The following SPMAP2L variants were observed in gnomAD, a reference collection of about 807,000 sequenced individuals.
SPMAP2L encodes sperm microtubule associated protein 2 like.
the SPMAP2L span, among the ~76,000 whole-genome samples, chr4:56,589,738 G>A: frequency 1.4e-5 from 2 of 146,772 alleles, no homozygotes; most frequent in Non-Finnish European, 3.0e-5. Context: ...GTTTTTGTGT[G>A]TGGGGGGGTT....
chr4:56,537,792 A>T, the SPMAP2L span, among the ~76,000 whole-genome samples: 1,759 of 151,760 alleles, frequency 0.012, 35 homozygotes, highest in African/African-American at 0.041. Flanking sequence ...TCCCGGGTTC[A>T]CGCCATTCTC....
the SPMAP2L span, among the ~76,000 whole-genome samples, chr4:56,556,423 A>C: frequency 3.9e-5 from 6 of 152,216 alleles, no homozygotes; most frequent in Admixed American, 3.9e-4. Context: ...AAGAAAATAC[A>C]AGAGGGGGAT....
At chr4:56,533,871 A>G in the SPMAP2L span, among the ~76,000 whole-genome samples, 1 of 152,028 alleles carries the variant, frequency 6.6e-6, no homozygotes, top group Non-Finnish European at 1.5e-5. Flanking sequence ...GCATCACCTC[A>G]GACTCAGCAG....
the SPMAP2L span, among the ~76,000 whole-genome samples, chr4:56,582,419 A>T: frequency 6.6e-6 from 1 of 152,166 alleles, no homozygotes; most frequent in African/African-American, 2.4e-5. Context: ...CCCCAAAAAG[A>T]TATACAAATA....
chr4:56,575,427 G>A, the SPMAP2L span: 2 of 1,476,714 alleles, frequency 1.4e-6, no homozygotes, highest in East Asian at 5.0e-5. Context: ...TAGGCCTGGG[G>A]ATCGATGTTG....
the SPMAP2L span, among the ~76,000 whole-genome samples, chr4:56,550,937 A>G: frequency 7.0e-6 from 1 of 143,454 alleles, no homozygotes; most frequent in South Asian, 2.3e-4. Flanking sequence ...TGGGGAACAT[A>G]GTGAGACTCT....
At chr4:56,549,057 C>T in the SPMAP2L span, among the ~76,000 whole-genome samples, 4 of 149,464 alleles carry the variant, frequency 2.7e-5, no homozygotes, top group African/African-American at 4.9e-5. Flanking sequence ...GGCGTGATCT[C>T]GGCTCACTGC....
chr4:56,569,415 T>A, the SPMAP2L span, among the ~76,000 whole-genome samples: 3 of 152,358 alleles, frequency 2.0e-5, no homozygotes, highest in African/African-American at 7.2e-5. Flanking sequence ...TTGAACATTT[T>A]TTCATTTGTT....
At chr4:56,580,446 A>C in the SPMAP2L span, among the ~76,000 whole-genome samples, 1 of 152,200 alleles carries the variant, frequency 6.6e-6, no homozygotes, top group African/African-American at 2.4e-5. Context: ...AAAAATGCTA[A>C]ACAAGCTAGG....
the SPMAP2L span, among the ~76,000 whole-genome samples, chr4:56,531,897 G>A: frequency 1.3e-5 from 2 of 152,042 alleles, no homozygotes; most frequent in South Asian, 2.1e-4. Context: ...ATCCAGCCTC[G>A]ATTCCATGGT....
chr4:56,555,664 A>C, the SPMAP2L span, among the ~76,000 whole-genome samples: 1 of 151,816 alleles, frequency 6.6e-6, no homozygotes, highest in Non-Finnish European at 1.5e-5. Flanking sequence ...CCTCATATAG[A>C]TCTTTTATGT....
chr4:56,542,263 A>G, the SPMAP2L span, among the ~76,000 whole-genome samples: 1 of 152,190 alleles, frequency 6.6e-6, no homozygotes, highest in African/African-American at 2.4e-5. Context: ...CTGACTTTAA[A>G]AAGACCACAA....
chr4:56,562,399 A>G, the SPMAP2L span, among the ~76,000 whole-genome samples: 2 of 149,646 alleles, frequency 1.3e-5, no homozygotes, highest in Non-Finnish European at 3.0e-5. Flanking sequence ...GTGTGTTTAT[A>G]TGTGGTTTCT....
the SPMAP2L span, among the ~76,000 whole-genome samples, chr4:56,618,612 C>T: frequency 6.6e-6 from 1 of 152,182 alleles, no homozygotes; most frequent in African/African-American, 2.4e-5. Context: ...CTCACTATCA[C>T]AAGAACAGCA....
At chr4:56,600,765 T>C in the SPMAP2L span, among the ~76,000 whole-genome samples, 3 of 152,298 alleles carry the variant, frequency 2.0e-5, no homozygotes, top group East Asian at 5.8e-4. Flanking sequence ...GTAACTGTCA[T>C]GGAAGGCTGC....
chr4:56,579,020 C>T, the SPMAP2L span, among the ~76,000 whole-genome samples: 3 of 151,992 alleles, frequency 2.0e-5, no homozygotes, highest in Admixed American at 2.0e-4. Context: ...TAGTTGGACA[C>T]TTCAATACCC....
the SPMAP2L span, chr4:56,600,818 G>A: frequency 9.5e-7 from 1 of 1,052,788 alleles, no homozygotes; most frequent in Non-Finnish European, 1.3e-6. Context: ...CCAGTTACGA[G>A]TCTGTTGCAG....
chr4:56,607,014 G>A, the SPMAP2L span, among the ~76,000 whole-genome samples: 16 of 152,228 alleles, frequency 1.1e-4, no homozygotes, highest in East Asian at 2.7e-3. Context: ...TTGATGATGG[G>A]TTATATATGG....
At chr4:56,602,777 A>T in the SPMAP2L span, among the ~76,000 whole-genome samples, 17 of 152,192 alleles carry the variant, frequency 1.1e-4, no homozygotes, top group Non-Finnish European at 1.5e-5. Context: ...TGGTGACAAA[A>T]TTATTATTTG....
Sources: gnomAD v4.1 joint callset for allele counts (sites outside exome capture counted in the v4.1 genomes callset) on GRCh38, gnomAD v4.1.1 for gene constraint, MANE v1.5 for transcripts, NCBI Gene and HGNC (gene_info 2026-07-23, HGNC 2026-07-21) for gene names.